Variants in NRXN3 observed in about 807,000 individuals in gnomAD.
NRXN3 encodes neurexin 3, also known as neurexin III.
A neutral mutation model predicts 137.6 loss-of-function variants in NRXN3; 32 were observed. The ratio of observed to expected loss-of-function variants is 0.23; its 90% CI spans 0.18 to 0.31. The LOEUF (loss-of-function observed/expected upper bound fraction) is 0.31, where lower values mean the gene tolerates loss of function less well. Among genes scored for constraint, NRXN3 ranks in the 10% least tolerant of loss-of-function variants. NRXN3 has a pLI of 1.00. For missense variants in NRXN3, 1,574 were observed against 2,062.5 expected, an observed-to-expected ratio of 0.76 and a Z score of 4.59; for synonymous variants, 798 against 784.5, an observed-to-expected ratio of 1.02 and a Z score of -0.29.
chr14:79,110,314 C>T (rs923322545), intron 15 of NRXN3, among the ~76,000 whole-genome samples: 2 of 152,200 alleles, frequency 1.3e-5, no homozygotes, highest in African/African-American at 4.8e-5. Context: ...CTTGTGTGAA[C>T]TGATGGTGTG....
At chr14:79,228,867 G>A (rs1409965483) in intron 15 of NRXN3, among the ~76,000 whole-genome samples, 1 of 152,046 alleles carries the variant, frequency 6.6e-6, no homozygotes, top group East Asian at 1.9e-4. Flanking sequence ...TCACCTTTTA[G>A]TTTTTTTAGA....
intron 15 of NRXN3, among the ~76,000 whole-genome samples, chr14:78,995,781 G>T (rs1321274820): frequency 3.9e-5 from 6 of 152,178 alleles, no homozygotes; most frequent in Non-Finnish European, 7.4e-5. Flanking sequence ...GATGGTAACA[G>T]TGTAAACAAG....
At chr14:78,610,244 T>C (rs2097289454) in intron 4 of NRXN3, among the ~76,000 whole-genome samples, 1 of 152,214 alleles carries the variant, frequency 6.6e-6, no homozygotes, top group Non-Finnish European at 1.5e-5. Context: ...AGCCAACGTT[T>C]AAAAATTGGA....
chr14:78,418,852 C>A (rs1008237119), intron 4 of NRXN3, among the ~76,000 whole-genome samples: 3 of 152,194 alleles, frequency 2.0e-5, no homozygotes, highest in African/African-American at 7.2e-5. Flanking sequence ...ATTTTCATTT[C>A]TATGTTACAG....
At chr14:78,214,790 C>T (rs983066878) in intron 1 of NRXN3, among the ~76,000 whole-genome samples, 5 of 152,150 alleles carry the variant, frequency 3.3e-5, no homozygotes, top group Admixed American at 6.5e-5. Flanking sequence ...GTTTACATGG[C>T]AAGGGGCGCC....
intron 8 of NRXN3, among the ~76,000 whole-genome samples, chr14:78,776,350 T>C (rs2098744858): frequency 6.6e-6 from 1 of 152,214 alleles, no homozygotes; most frequent in Non-Finnish European, 1.5e-5. Flanking sequence ...ATTAAATACC[T>C]TCTTTGTGTA....
At chr14:78,769,341 A>G (rs2098719459) in intron 8 of NRXN3, among the ~76,000 whole-genome samples, 1 of 152,210 alleles carries the variant, frequency 6.6e-6, no homozygotes, top group African/African-American at 2.4e-5. Flanking sequence ...CTCATCCAGT[A>G]TGACCTTGTC....
At chr14:78,603,513 G>A (rs1024735175) in intron 4 of NRXN3, among the ~76,000 whole-genome samples, 19 of 152,128 alleles carry the variant, frequency 1.2e-4, no homozygotes, top group Non-Finnish European at 2.5e-4. Flanking sequence ...ATCGGTGGGT[G>A]GTAGGAAAGG....
intron 15 of NRXN3, among the ~76,000 whole-genome samples, chr14:79,148,996 T>C (rs1020617387): frequency 6.6e-6 from 1 of 152,114 alleles, no homozygotes; most frequent in African/African-American, 2.4e-5. Flanking sequence ...CCTAACATCT[T>C]TTTTTCCATC....
At chr14:78,226,211 G>A (rs1454423226) in intron 1 of NRXN3, among the ~76,000 whole-genome samples, 1 of 152,110 alleles carries the variant, frequency 6.6e-6, no homozygotes, top group Admixed American at 6.5e-5. Flanking sequence ...TACCACGTTA[G>A]CCAGGATGAT....
intron 17 of NRXN3, among the ~76,000 whole-genome samples, chr14:79,673,261 A>G (rs2098621190): frequency 6.6e-6 from 1 of 152,046 alleles, no homozygotes; most frequent in Admixed American, 6.6e-5. Flanking sequence ...TTTTCTCCAT[A>G]AGATGCATTT....
At chr14:79,618,284 T>C (rs912486425) in intron 16 of NRXN3, among the ~76,000 whole-genome samples, 5 of 152,124 alleles carry the variant, frequency 3.3e-5, no homozygotes, top group Admixed American at 6.6e-5. Context: ...GGTGTAAGAA[T>C]GATCCCCTCA....
intron 10 of NRXN3, among the ~76,000 whole-genome samples, chr14:78,883,113 C>A (rs781578096): frequency 5.9e-5 from 9 of 152,126 alleles, no homozygotes; most frequent in Non-Finnish European, 1.3e-4. Flanking sequence ...GAGGCCTTTC[C>A]AGCCCTGGTG....
intron 19 of NRXN3, among the ~76,000 whole-genome samples, chr14:79,780,287 T>A (rs978074871): frequency 6.6e-6 from 1 of 152,076 alleles, no homozygotes; most frequent in Non-Finnish European, 1.5e-5. Context: ...TTCAAATTTA[T>A]GTCTTTATTA....
At chr14:78,969,528 T>G (rs773399833) in intron 14 of NRXN3, among the ~76,000 whole-genome samples, 2 of 152,218 alleles carry the variant, frequency 1.3e-5, no homozygotes, top group Non-Finnish European at 2.9e-5. Flanking sequence ...ATTTACCACA[T>G]CAAATCTGTT....
At chr14:78,442,647 ACC>A (rs1362599574) in intron 4 of NRXN3, among the ~76,000 whole-genome samples, 1 of 152,168 alleles carries the variant, frequency 6.6e-6, no homozygotes. Context: ...AGGAACCTGT[ACC>A]CTTCCTTCCA....
intron 15 of NRXN3, among the ~76,000 whole-genome samples, chr14:79,069,860 A>G (rs2099685358): frequency 6.6e-6 from 1 of 152,194 alleles, no homozygotes; most frequent in Admixed American, 6.6e-5. Flanking sequence ...GACATGTATT[A>G]TCAGGACCTC....
At chr14:79,777,852 A>G (rs1469498482) in intron 19 of NRXN3, among the ~76,000 whole-genome samples, 1 of 152,024 alleles carries the variant, frequency 6.6e-6, no homozygotes, top group East Asian at 1.9e-4. Flanking sequence ...CACCAAGGTC[A>G]ATAGAATTCA....
chr14:79,753,520 T>C (rs1349432901), intron 19 of NRXN3, among the ~76,000 whole-genome samples: 1 of 125,006 alleles, frequency 8.0e-6, no homozygotes, highest in African/African-American at 3.1e-5. Flanking sequence ...AATTGAACAA[T>C]GAAAACACAT....
Sources: gnomAD v4.1 joint callset for allele counts (sites outside exome capture counted in the v4.1 genomes callset) on GRCh38, gnomAD v4.1.1 for gene constraint, MANE v1.5 for transcripts, NCBI Gene and HGNC (gene_info 2026-07-23, HGNC 2026-07-21) for gene names.